The following AFDN variants were observed in gnomAD, a reference collection of about 807,000 sequenced individuals.
The protein encoded by AFDN is afadin.
A neutral mutation model predicts 216.6 loss-of-function variants in AFDN; 68 were observed. That is an observed-to-expected ratio of 0.31 (90% CI 0.26 to 0.38). AFDN has a LOEUF of 0.38. Among genes scored for constraint, AFDN ranks in the 10% least tolerant of loss-of-function variants. AFDN has a pLI of 1.00. For missense variants in AFDN, 2,136 were observed against 2,342.0 expected, an observed-to-expected ratio of 0.91 and a Z score of 1.82; for synonymous variants, 868 against 853.7, an observed-to-expected ratio of 1.02 and a Z score of -0.29.
chr6:167,936,395 A>T (rs1794002282), intron 23 of AFDN, among the ~76,000 whole-genome samples: 1 of 152,220 alleles, frequency 6.6e-6, no homozygotes, highest in Non-Finnish European at 1.5e-5. Context: ...AAAGAAATAG[A>T]ATTACCATAA....
intron 30 of AFDN, among the ~76,000 whole-genome samples, chr6:167,954,192 C>G (rs902857307): frequency 6.6e-6 from 1 of 152,134 alleles, no homozygotes; most frequent in Admixed American, 6.5e-5. Context: ...ATCTTAGTCT[C>G]CAAATAAGAA....
rs571185560 is a variant in AFDN, at chr6:167,876,267, A to G, written c.739+772A>G. On this transcript the variant is annotated intron_variant, in intron 5 of 33. Transcript: ENST00000683244. ...AACTGAGTCGTAATTAACATATTTC[A>G]CAGGACTTGTAGTGCCAGTGATTCA... 2.0e-5 allele frequency among the ~76,000 whole-genome samples: 3 copies of G among 152,334 alleles called. No individual in the cohort carries two copies. In the South Asian group the frequency reaches 6.2e-4, roughly 32 times the overall value.
At chr6:167,867,127 C>G in intron 2 of AFDN, among the ~76,000 whole-genome samples, 1 of 152,196 alleles carries the variant, frequency 6.6e-6, no homozygotes, top group East Asian at 1.9e-4. Context: ...CTCACACTTG[C>G]TTTAGAATAT....
chr6:167,926,894 G>A (rs1792613362), intron 23 of AFDN, among the ~76,000 whole-genome samples: 1 of 152,130 alleles, frequency 6.6e-6, no homozygotes, highest in Non-Finnish European at 1.5e-5. Flanking sequence ...CCAGCATATA[G>A]TAGGCAAAAA....
chr6:167,938,008 T>G (rs1354251635), intron 23 of AFDN, among the ~76,000 whole-genome samples: 1 of 152,182 alleles, frequency 6.6e-6, no homozygotes. Context: ...AAGCTTCTAA[T>G]GGAGTTGGAG....
At chr6:167,947,684 G>A (rs935750733) in intron 27 of AFDN, among the ~76,000 whole-genome samples, 169 bp from the exon 28 acceptor site, 1 of 151,792 alleles carries the variant, frequency 6.6e-6, no homozygotes, top group African/African-American at 2.4e-5. Flanking sequence ...AGATGGATGT[G>A]GATATGACAA....
chr6:167,857,265 G>A (rs1783011864), intron 1 of AFDN, among the ~76,000 whole-genome samples: 1 of 151,884 alleles, frequency 6.6e-6, no homozygotes, highest in Admixed American at 6.6e-5. Flanking sequence ...GAGAGAGAGG[G>A]TTACCAGGTT....
chr6:167,907,348 T>G, intron 13 of AFDN, 59 bp downstream of exon 13: 1 of 1,351,138 alleles, frequency 7.4e-7, no homozygotes, highest in African/African-American at 1.4e-5. Context: ...AAAAAAGGGT[T>G]GGGATAAAGA....
intron 1 of AFDN, among the ~76,000 whole-genome samples, chr6:167,845,733 T>TA (rs1043809552): frequency 6.6e-5 from 10 of 152,198 alleles, no homozygotes; most frequent in African/African-American, 2.2e-4. Flanking sequence ...GAAATTTAAC[T>TA]AAAAAGACTG....
chr6:167,857,252 A>G (rs1302989372), intron 1 of AFDN, among the ~76,000 whole-genome samples: 1 of 151,918 alleles, frequency 6.6e-6, no homozygotes, highest in African/African-American at 2.4e-5. Context: ...GATATTAGAG[A>G]GTGAGAGAGA....
intron 31 of AFDN, chr6:167,964,505 A>T (rs1797336654): frequency 9.4e-7 from 1 of 1,065,822 alleles, no homozygotes. Flanking sequence ...CTAAACACAG[A>T]GCAAGAAGAT....
intron 23 of AFDN, among the ~76,000 whole-genome samples, chr6:167,926,046 T>C (rs568731268): frequency 6.6e-6 from 1 of 152,248 alleles, no homozygotes; most frequent in Non-Finnish European, 1.5e-5. Flanking sequence ...TAATGTGCCT[T>C]GAGAAATATT....
intron 21 of AFDN, 139 bp downstream of exon 21, chr6:167,919,072 C>A: frequency 1.4e-6 from 1 of 714,176 alleles, no homozygotes; most frequent in South Asian, 1.8e-5. Flanking sequence ...GTTCCACTGA[C>A]TTGGAGAAAT....
chr6:167,930,348 C>G (rs1473034308), intron 23 of AFDN, among the ~76,000 whole-genome samples: 2 of 152,188 alleles, frequency 1.3e-5, no homozygotes, highest in East Asian at 3.8e-4. Flanking sequence ...ATCTTAGTCA[C>G]TTCATCAGCA....
At chr6:167,848,430 ATATAGT>A (rs1248776365) in intron 1 of AFDN, among the ~76,000 whole-genome samples, 2 of 152,102 alleles carry the variant, frequency 1.3e-5, no homozygotes, top group Non-Finnish European at 2.9e-5. Flanking sequence ...ATATGAGTAG[ATATAGT>A]TTATTTAACA....
At chr6:167,888,013 A>C (rs1401865716) in intron 6 of AFDN, among the ~76,000 whole-genome samples, 3 of 152,158 alleles carry the variant, frequency 2.0e-5, no homozygotes, top group South Asian at 4.1e-4. Flanking sequence ...GTTATTAGAC[A>C]TGAAAGTTGG....
chr6:167,826,990 C>T lies in AFDN; in HGVS notation c.-143C>T, dbSNP rs1480796276. On this transcript the variant is annotated 5_prime_UTR_variant, in exon 1 of 34. Coordinates refer to ENST00000683244, the MANE Select transcript of AFDN (RefSeq NM_001386888.1). The stretch of plus-strand genomic sequence containing the variant: ...GCGGAGGCCAAGTCGGAGGACGCGG[C>T]GCGGCCGCGGAGGCGGAGGCAGCCG... 8 of 177,210 alleles carry T rather than the reference C, an allele frequency of 4.5e-5. No homozygotes were observed. The highest frequency in any genetic ancestry group is 1.7e-4 in the South Asian group (1 of 5,912). 11.0% of individuals were successfully genotyped at this position (177,210 alleles called of 1,614,324 possible). A position where few individuals can be genotyped will look rare whatever the true frequency, so the allele number is the denominator to read the frequency against.
intron 1 of AFDN, among the ~76,000 whole-genome samples, chr6:167,845,807 T>G (rs1380404624): frequency 6.6e-6 from 1 of 152,224 alleles, no homozygotes; most frequent in African/African-American, 2.4e-5. Context: ...TACACTGGTA[T>G]AAAGAACTAC....
chr6:167,954,430 T>C (rs1796300850), intron 30 of AFDN: 2 of 1,563,840 alleles, frequency 1.3e-6, no homozygotes, highest in African/African-American at 2.8e-5. Context: ...CATCTTTCTT[T>C]TTTTTTTTCT....
Sources: gnomAD v4.1 joint callset for allele counts (sites outside exome capture counted in the v4.1 genomes callset) on GRCh38, gnomAD v4.1.1 for gene constraint, MANE v1.5 for transcripts, NCBI Gene and HGNC (gene_info 2026-07-23, HGNC 2026-07-21) for gene names.